Variants in TBPL2 observed in about 807,000 individuals in gnomAD.
TBPL2 encodes the protein TATA-box binding protein like 2.
In TBPL2, 40 loss-of-function variants were observed where a neutral mutation model predicts 38.2. The observed-to-expected ratio is 1.05, with a 90% CI of 0.81 to 1.36. The LOEUF is 1.36. TBPL2 is among the 40% of genes most tolerant of loss of function. The pLI, the probability that TBPL2 is intolerant of heterozygous loss-of-function variation, is 0.00. For missense variants in TBPL2, 461 were observed against 456.7 expected (o/e 1.01, Z -0.09); for synonymous variants, 169 against 171.7 (o/e 0.98, Z 0.12).
chr14:55,415,190 A>C (rs17128456), intron 6 of TBPL2, among the ~76,000 whole-genome samples: 3,167 of 152,306 alleles, frequency 0.021, 90 homozygotes, highest in East Asian at 0.059. Flanking sequence ...ATTTATATGG[A>C]GCTTCAGCTA....
At chr14:55,432,497 A>G (rs1246698263) in intron 4 of TBPL2, among the ~76,000 whole-genome samples, 1 of 150,060 alleles carries the variant, frequency 6.7e-6, no homozygotes, top group South Asian at 2.1e-4. Flanking sequence ...AAATATTTAC[A>G]GTATAAAATG....
chr14:55,433,379 C>T (rs1885963657), intron 4 of TBPL2, among the ~76,000 whole-genome samples: 1 of 146,666 alleles, frequency 6.8e-6, no homozygotes, highest in Admixed American at 6.9e-5. Context: ...TCTCAAACTC[C>T]TGGGCTCAAG....
chr14:55,433,840 G>T, intron 3 of TBPL2, 119 bp from the exon 4 acceptor site: 2 of 792,128 alleles, frequency 2.5e-6, no homozygotes, highest in South Asian at 2.3e-5. Flanking sequence ...TAAATGTCTG[G>T]GTCTTTTCTC....
At chr14:55,429,037 T>C (rs899439740) in intron 4 of TBPL2, 63 bp from the exon 5 acceptor site, 2 of 1,569,408 alleles carry the variant, frequency 1.3e-6, no homozygotes, top group Non-Finnish European at 1.7e-6. Flanking sequence ...CTACTGGTGT[T>C]GTATTGGATT....
chr14:55,433,953 A>G (rs547103635), intron 3 of TBPL2, among the ~76,000 whole-genome samples: 179 of 152,318 alleles, frequency 1.2e-3, no homozygotes, highest in Non-Finnish European at 2.2e-3. Flanking sequence ...GTTATGTTTC[A>G]GTTCCTATTT....
At chr14:55,424,221 T>C in exon 6 of TBPL2, 1 of 1,613,350 alleles carries the variant, frequency 6.2e-7, no homozygotes, top group South Asian at 1.1e-5. Context: ...TACCATTCTA[T>C]AAATAAGACC....
intron 5 of TBPL2, among the ~76,000 whole-genome samples, chr14:55,424,715 A>G (rs537860550): frequency 2.6e-5 from 4 of 152,336 alleles, no homozygotes; most frequent in South Asian, 2.1e-4. Flanking sequence ...GGCCACTGCT[A>G]TTTGTATTTG....
chr14:55,432,288 CT>C (rs1885941786), intron 4 of TBPL2, among the ~76,000 whole-genome samples: 1 of 150,842 alleles, frequency 6.6e-6, no homozygotes, highest in South Asian at 2.1e-4. Flanking sequence ...TGGTGCATAC[CT>C]GTGGTCCCAG....
At chr14:55,426,538 A>G (rs1885826916) in intron 5 of TBPL2, among the ~76,000 whole-genome samples, 1 of 152,116 alleles carries the variant, frequency 6.6e-6, no homozygotes, top group East Asian at 1.9e-4. Context: ...GCCTCATGTT[A>G]AAAATTCAAA....
chr14:55,428,403 C>A (rs926510262), intron 5 of TBPL2, among the ~76,000 whole-genome samples: 1 of 152,120 alleles, frequency 6.6e-6, no homozygotes, highest in African/African-American at 2.4e-5. Flanking sequence ...CATGCCTTAT[C>A]TTGCCAGTGT....
In TBPL2 at chr14:55,440,388, A is replaced by G. The variant is rs913691572; in HGVS notation, c.150+8T>C. The G allele has an allele frequency of 6.2e-7, 1 of 1,612,960 alleles. No individual in the cohort carries two copies. The highest frequency in any genetic ancestry group is 8.5e-7 in the Non-Finnish European group (1 of 1,179,988). ...GTCCTGACTCTGGGACAGTGGCGGC[A>G]GCCTCACCTGAGCGGCGCACTGGTC... On this transcript the variant is annotated splice_region_variant and intron_variant, in intron 1 of 6. Transcript: ENST00000247219.
Position 55,436,576 on chromosome 14 carries a change from A to G in TBPL2, c.593T>C (p.Ile198Thr), listed in dbSNP as rs1306910000. The stretch of plus-strand genomic sequence containing the variant: ...AAAAACTTACTGTAGTTGAGGTACA[A>G]TTCCACAACATTCTGAAATAGGGGT... Residue 198 changes from isoleucine to threonine, a missense_variant, in exon 2 of 7, where the codon ATT (isoleucine) becomes ACT (threonine). Ile to Thr is a moderately conservative substitution (Grantham distance 89). Transcript: ENST00000247219. 1 of 1,614,094 alleles carries G rather than the reference A, an allele frequency of 6.2e-7. No homozygotes were observed. The highest frequency in any genetic ancestry group is 2.2e-5 in the East Asian group (1 of 44,890).
chr14:55,425,858 G>C (rs1468900623), intron 5 of TBPL2, among the ~76,000 whole-genome samples: 1 of 152,086 alleles, frequency 6.6e-6, no homozygotes, highest in Non-Finnish European at 1.5e-5. Flanking sequence ...ATCTCTATGT[G>C]GGCAAGGGAC....
intron 6 of TBPL2, among the ~76,000 whole-genome samples, chr14:55,415,662 C>G (rs571726354): frequency 2.7e-4 from 41 of 152,052 alleles, no homozygotes; most frequent in Non-Finnish European, 5.6e-4. Context: ...GTCAGGAGTT[C>G]AAGACCAGCC....
intron 6 of TBPL2, among the ~76,000 whole-genome samples, chr14:55,417,579 C>T (rs936987986): frequency 2.0e-5 from 3 of 152,030 alleles, no homozygotes; most frequent in African/African-American, 7.2e-5. Context: ...CATGCCTCAG[C>T]CTCCCAAGTA....
chr14:55,435,024 C>A (rs1369817745), intron 3 of TBPL2, among the ~76,000 whole-genome samples: 1 of 152,066 alleles, frequency 6.6e-6, no homozygotes, highest in African/African-American at 2.4e-5. Context: ...AAACAGGATG[C>A]CTGGCCTTGG....
At chr14:55,437,807 A>G (rs1886040042) in intron 1 of TBPL2, among the ~76,000 whole-genome samples, 1 of 152,262 alleles carries the variant, frequency 6.6e-6, no homozygotes, top group South Asian at 2.1e-4. Context: ...AAGACTCACT[A>G]AAGACCCATG....
At chr14:55,437,082 G>T in intron 1 of TBPL2, 64 bp from the exon 2 acceptor site, 1 of 1,435,556 alleles carries the variant, frequency 7.0e-7, no homozygotes, top group Non-Finnish European at 9.8e-7. Flanking sequence ...TACACAAAAG[G>T]GATGTCACTA....
intron 6 of TBPL2, among the ~76,000 whole-genome samples, chr14:55,417,558 C>T (rs921298925): frequency 3.3e-5 from 5 of 150,922 alleles, no homozygotes; most frequent in Middle Eastern, 3.5e-3. Flanking sequence ...GGTTTGGGTT[C>T]AAGTGATTCT....
Sources: gnomAD v4.1 joint callset for allele counts (sites outside exome capture counted in the v4.1 genomes callset) on GRCh38, gnomAD v4.1.1 for gene constraint, MANE v1.5 for transcripts, NCBI Gene and HGNC (gene_info 2026-07-23, HGNC 2026-07-21) for gene names.